Variants in NFKBIL1 observed in about 807,000 individuals in gnomAD.
NFKBIL1 encodes the protein NFKB inhibitor like 1.
NFKBIL1 carries 30 observed loss-of-function variants against 45.4 expected under a neutral mutation model. The observed-to-expected ratio is 0.66, with a 90% CI of 0.49 to 0.90. The LOEUF (loss-of-function observed/expected upper bound fraction) is 0.90. Ranked by LOEUF, NFKBIL1 falls within the 40% of genes least tolerant of loss-of-function variation. NFKBIL1 has a pLI of 0.00. For missense variants in NFKBIL1, 434 were observed against 513.4 expected (o/e 0.85, Z 1.49); for synonymous variants, 179 against 197.3 (o/e 0.91, Z 0.78).
At position 31,558,590 on chromosome 6, in the gene NFKBIL1, C is replaced by A; in HGVS notation, c.1125C>A (p.Arg375=). 6.4e-7 allele frequency: 1 copy of A among 1,555,744 alleles called. No individual in the cohort carries two copies. Among genetic ancestry groups the A allele is most frequent in the East Asian group, 2.4e-5 (1 of 41,972 alleles). The change falls in exon 4 of 4, where the codon CGC becomes CGA. Residue 375 remains arginine (R), a synonymous_variant. Transcript: ENST00000376148. The surrounding 1 kb of genome is among the most constrained non-coding windows in gnomAD (Gnocchi z 7.2). ...AVTALSQALN[R]HAEALK ...CAGCCCTTTCTCAGGCCCTGAATCG[C>A]CATGCAGAGGCCCTCAAGTGACCCT...
intron 2 of NFKBIL1, among the ~76,000 whole-genome samples, chr6:31,553,039 CT>C (rs9279345): frequency 0.54 from 67,868 of 124,880 alleles, 18,167 homozygotes; most frequent in East Asian, 0.71. Flanking sequence ...GAAAGGTGAA[CT>C]TTTTTTTTTT....
chr6:31,558,163 G>A lies in NFKBIL1; in HGVS notation c.698G>A (p.Ser233Asn), dbSNP rs555154249. 1.2e-6 allele frequency: 2 copies of A among 1,610,662 alleles called. No homozygotes were observed. Among genetic ancestry groups the A allele is most frequent in the Non-Finnish European group, 1.7e-6 (2 of 1,179,048 alleles). Residue 233 changes from serine to asparagine, a missense_variant, in exon 4 of 4, where the codon AGC (serine) becomes AAC (asparagine). Ser to Asn is a conservative substitution (Grantham distance 46). This residue lies in a region of NFKBIL1 where 128 missense variants were observed against 106.5 expected (regional missense o/e 1.20). Coordinates refer to ENST00000376148, the MANE Select transcript of NFKBIL1 (RefSeq NM_005007.4). The surrounding 1 kb of genome is among the most constrained non-coding windows in gnomAD (Gnocchi z 7.2). ...SRRPPRAEGSSQSWRQQEEEQ... is the reference protein window; with the variant it reads ...SRRPPRAEGSNQSWRQQEEEQ... Reference sequence around the variant, plus strand: ...CGACCCCCACGTGCTGAGGGCTCCAGCCAGAGCTGGCGACAGCAGGAGGAG... The same window carrying A: ...CGACCCCCACGTGCTGAGGGCTCCAACCAGAGCTGGCGACAGCAGGAGGAG...
chr6:31,550,573 G>A (rs1038265768), intron 2 of NFKBIL1, among the ~76,000 whole-genome samples: 1 of 152,144 alleles, frequency 6.6e-6, no homozygotes, highest in Non-Finnish European at 1.5e-5. Flanking sequence ...GAAGGCAAAA[G>A]AGCGGATTAC....
Position 31,557,526 on chromosome 6 carries a change from T to G in NFKBIL1, c.335-102T>G, listed in dbSNP as rs1440895745. The G allele has an allele frequency of 5.4e-6, 5 of 929,744 alleles. No homozygotes were observed. Among genetic ancestry groups the G allele is most frequent in the Non-Finnish European group, 7.8e-6 (5 of 643,746 alleles). The allele number at this position is 929,744 out of a possible 1,614,324, so 57.6% of individuals were successfully genotyped here. On this transcript the variant is annotated intron_variant, in intron 2 of 3. Transcript: ENST00000376148. The surrounding 1 kb of genome is among the most constrained non-coding windows in gnomAD (Gnocchi z 5.4). ...TCCATGTGAGCCACCCTTCCATTGC[T>G]TTAAGACCAAGGGAGCGAGTGACCA...
intron 2 of NFKBIL1, chr6:31,556,743 G>A (rs757676797): frequency 8.7e-6 from 4 of 457,226 alleles, no homozygotes; most frequent in South Asian, 6.2e-5. Flanking sequence ...GGCCATAGTT[G>A]TTGCCGGTTC....
Position 31,557,318 on chromosome 6 carries a change from C to A in NFKBIL1, c.335-310C>A, listed in dbSNP as rs1391516934. On this transcript the variant is annotated intron_variant, in intron 2 of 3. Coordinates refer to ENST00000376148, the MANE Select transcript of NFKBIL1 (RefSeq NM_005007.4). This position sits in a 1 kb window ranked among gnomAD's most constrained non-coding sequence, Gnocchi z 5.4. ...AGAGATGGGATTTCACCATGTTAGCCAGGATGGTCTTGATCTCCTGACCTC... is the reference window on the plus strand; with the variant it reads ...AGAGATGGGATTTCACCATGTTAGCAAGGATGGTCTTGATCTCCTGACCTC... Among the ~76,000 whole-genome samples the A allele has an allele frequency of 6.6e-6, 1 of 152,096 alleles. No homozygotes were observed. Among genetic ancestry groups the A allele is most frequent in the Non-Finnish European group, 1.5e-5 (1 of 68,022 alleles).
rs1264141786 is a variant in NFKBIL1 at position 31,558,490 on chromosome 6, A to T, written c.1025A>T (p.His342Leu). ...RYLRVQQVRW[H>L]PDRFLQRFRS... ...TTGAGGGTCCAGCAGGTCCGCTGGC[A>T]CCCTGACCGCTTCCTGCAGCGATTC... The change falls in exon 4 of 4, where the codon CAC (histidine) becomes CTC (leucine). Residue 342 changes from histidine to leucine, a missense_variant. By Grantham distance (99) the His-to-Leu change is moderately conservative (BLOSUM62 -3). Coordinates refer to ENST00000376148, the MANE Select transcript of NFKBIL1 (RefSeq NM_005007.4). This position sits in a 1 kb window ranked among gnomAD's most constrained non-coding sequence, Gnocchi z 7.2. 6.4e-7 allele frequency: 1 copy of T among 1,553,118 alleles called. No homozygotes were observed. Among genetic ancestry groups the T allele is most frequent in the South Asian group, 1.2e-5 (1 of 84,210 alleles).
At chr6:31,555,385 A>G (rs1169031845) in intron 2 of NFKBIL1, among the ~76,000 whole-genome samples, 1 of 150,646 alleles carries the variant, frequency 6.6e-6, no homozygotes, top group Non-Finnish European at 1.5e-5. Context: ...TTACAGGCAC[A>G]TGCTACCACG....
chr6:31,555,259 TG>T (rs34653615), intron 2 of NFKBIL1, among the ~76,000 whole-genome samples: 6,348 of 142,988 alleles, frequency 0.044, 253 homozygotes, highest in South Asian at 0.16. Context: ...TTTTTTGAGA[TG>T]GGAGTCTCCC....
chr6:31,553,604 C>T (rs1425469604), intron 2 of NFKBIL1, among the ~76,000 whole-genome samples: 1 of 152,050 alleles, frequency 6.6e-6, no homozygotes, highest in Non-Finnish European at 1.5e-5. Flanking sequence ...TTAACAAACC[C>T]TGTGGTAGGA....
chr6:31,558,520 G>A lies in NFKBIL1; in HGVS notation c.1055G>A (p.Ser352Asn), dbSNP rs980736702. Residue 352 changes from serine to asparagine, a missense_variant, in exon 4 of 4, where the codon AGC (serine) becomes AAC (asparagine). Transcript: ENST00000376148. This position sits in a 1 kb window ranked among gnomAD's most constrained non-coding sequence, Gnocchi z 7.2. The part of the protein sequence containing the change: ...HPDRFLQRFR[S>N]QIETWELGRV... ...GACCGCTTCCTGCAGCGATTCCGAA[G>A]CCAGATTGAGACCTGGGAGCTGGGC... is the stretch of plus-strand genomic sequence containing the variant. 1 of 1,561,138 alleles carries A rather than the reference G, an allele frequency of 6.4e-7. No individual in the cohort carries two copies. The highest frequency in any genetic ancestry group is 1.4e-5 in the African/African-American group (1 of 73,882).
chr6:31,552,242 T>C (rs1769466264), intron 2 of NFKBIL1, among the ~76,000 whole-genome samples: 1 of 145,886 alleles, frequency 6.9e-6, no homozygotes, highest in Non-Finnish European at 1.5e-5. Context: ...CCACAGAATG[T>C]CTTTTGGTTT....
chr6:31,553,643 T>A (rs1460941369), intron 2 of NFKBIL1, among the ~76,000 whole-genome samples: 16 of 152,100 alleles, frequency 1.1e-4, no homozygotes, highest in Admixed American at 1.0e-3. Context: ...TTATACTTTG[T>A]ATTTTTGAGA....
Position 31,556,748 on chromosome 6 carries a change from C to T in NFKBIL1, c.335-880C>T, listed in dbSNP as rs559914962. The T allele has an allele frequency of 2.8e-4, 127 of 457,234 alleles. 1 individual carries two copies. Among genetic ancestry groups the T allele is most frequent in the African/African-American group, 2.4e-3 (120 of 50,176 alleles). 28.3% of individuals were successfully genotyped at this position (457,234 alleles called of 1,614,324 possible). On this transcript the variant is annotated intron_variant, in intron 2 of 3. Transcript: ENST00000376148. ...CTCTGCCGCCGGCCATAGTTGTTGC[C>T]GGTTCACCTCCCCACCCCTCTCCCA... is the stretch of plus-strand genomic sequence containing the variant.
rs775665701 is a variant in NFKBIL1 at position 31,558,215 on chromosome 6, C to A, written c.750C>A (p.Ala250=). 1 of 1,599,254 alleles carries A rather than the reference C, an allele frequency of 6.3e-7. No homozygotes were observed. The highest frequency in any genetic ancestry group is 1.3e-5 in the African/African-American group (1 of 74,844). Residue 250 remains alanine, a synonymous_variant, in exon 4 of 4, where the codon GCC becomes GCA. Coordinates refer to ENST00000376148, the MANE Select transcript of NFKBIL1 (RefSeq NM_005007.4). The surrounding 1 kb of genome is among the most constrained non-coding windows in gnomAD (Gnocchi z 7.2). ...EEEQRLFRER[A]RAKEEELRES... ...AGCAGCGGCTCTTCAGGGAGCGAGCCCGGGCCAAGGAGGAAGAGCTGCGTG... is the reference window on the plus strand; with the variant it reads ...AGCAGCGGCTCTTCAGGGAGCGAGCACGGGCCAAGGAGGAAGAGCTGCGTG...
Position 31,557,738 on chromosome 6 carries a change from G to T in NFKBIL1, c.445G>T (p.Asp149Tyr), listed in dbSNP as rs755061859. The T allele has an allele frequency of 3.1e-6, 5 of 1,611,952 alleles. No homozygotes were observed. The highest frequency in any genetic ancestry group is 4.2e-6 in the Non-Finnish European group (5 of 1,178,694). Residue 149 changes from aspartate to tyrosine, a missense_variant, in exon 3 of 4, where the codon GAT (aspartate) becomes TAT (tyrosine). Asp to Tyr is a radical substitution (Grantham distance 160). Transcript: ENST00000376148. This position sits in a 1 kb window ranked among gnomAD's most constrained non-coding sequence, Gnocchi z 5.4. ...AATTTTGGGCTGGGGACCCCCCTGG[G>T]ATTCTGCTGAAGAGGAGGAAGAAGA... ...GQILGWGPPW[D>Y]SAEEEEEDDA... is the part of the protein sequence containing the mutation.
At chr6:31,552,919 T>C (rs1420802425) in intron 2 of NFKBIL1, among the ~76,000 whole-genome samples, 2 of 151,634 alleles carry the variant, frequency 1.3e-5, no homozygotes, top group Non-Finnish European at 2.9e-5. Flanking sequence ...TTGGCCAGGC[T>C]GGTCTCGAAC....
Position 31,547,631 on chromosome 6 carries a change from C to T in NFKBIL1, c.-64C>T. On this transcript the variant is annotated 5_prime_UTR_variant, in exon 1 of 4. Transcript: ENST00000376148. ...GCCCTTCCCGCCTCCCGTCTCCGAG[C>T]TTCTTAAACACAGGCCTTGGGCCTA... 1.6e-6 allele frequency: 2 copies of T among 1,230,498 alleles called. No individual in the cohort carries two copies. The allele number at this position is 1,230,498 out of a possible 1,614,324, so 76.2% of individuals were successfully genotyped here. A position where few individuals can be genotyped will look rare whatever the true frequency, so the allele number is the denominator to read the frequency against.
chr6:31,548,402 C>T lies in NFKBIL1; in HGVS notation c.297C>T (p.Asp99=), dbSNP rs1280045382. The stretch of plus-strand genomic sequence containing the variant: ...CTGCCCACCAGGACCGCCATGGGGA[C>T]ACGGCACTGCATGCTGCTGCCCGCC... The part of the protein sequence containing the change: ...ADPAHQDRHG[D]TALHAAARQG... Residue 99 remains aspartate, a synonymous_variant, in exon 2 of 4, where the codon GAC becomes GAT. Transcript: ENST00000376148. 6.5e-7 allele frequency: 1 copy of T among 1,535,478 alleles called. No individual in the cohort carries two copies. The highest frequency in any genetic ancestry group is 8.7e-7 in the Non-Finnish European group (1 of 1,145,942).
Sources: gnomAD v4.1 joint callset for allele counts (sites outside exome capture counted in the v4.1 genomes callset) on GRCh38, gnomAD v4.1.1 for gene constraint, gnomAD v4.1.1 regional missense constraint, Gnocchi (gnomAD v3.1) non-coding constraint, MANE v1.5 for transcripts, NCBI Gene and HGNC (gene_info 2026-07-23, HGNC 2026-07-21) for gene names.